TAFA1: variants seen among roughly 807,000 people sequenced by gnomAD.
The protein encoded by TAFA1 is chemokine-like protein TAFA-1.
TAFA1 carries 4 observed loss-of-function variants against 18.5 expected under a neutral mutation model. The observed-to-expected ratio is 0.22, with a 90% CI of 0.11 to 0.49. The LOEUF is 0.49. Ranked by LOEUF, TAFA1 falls within the 20% of genes least tolerant of loss-of-function variation. TAFA1 has a pLI of 0.98. For synonymous variants in TAFA1, 56 were observed against 55.2 expected, an observed-to-expected ratio of 1.01 and a Z score of -0.06; for missense variants, 147 against 169.0, an observed-to-expected ratio of 0.87 and a Z score of 0.72.
intron 2 of TAFA1, among the ~76,000 whole-genome samples, chr3:68,374,746 C>T (rs1334523210): frequency 6.6e-6 from 1 of 152,172 alleles, no homozygotes; most frequent in Non-Finnish European, 1.5e-5. Context: ...ACTTCCAGGT[C>T]TCCCTGCTGT....
chr3:68,176,193 G>T (rs990303538), intron 2 of TAFA1, among the ~76,000 whole-genome samples: 2 of 152,114 alleles, frequency 1.3e-5, no homozygotes, highest in Non-Finnish European at 2.9e-5. Context: ...TATAAATACA[G>T]TTTACAGGCA....
At chr3:68,283,401 T>A (rs1222504094) in intron 2 of TAFA1, among the ~76,000 whole-genome samples, 1 of 152,222 alleles carries the variant, frequency 6.6e-6, no homozygotes, top group Admixed American at 6.5e-5. Flanking sequence ...TATGGCCTAG[T>A]TTGAGGGCAA....
rs2066632546 is a variant in TAFA1 at position 68,214,572 on chromosome 3, T to A, written c.119-202708T>A. 2.6e-5 allele frequency among the ~76,000 whole-genome samples: 4 copies of A among 152,214 alleles called. No individual in the cohort carries two copies. In the South Asian group the frequency reaches 8.3e-4, roughly 32 times the overall value. On this transcript the variant is annotated intron_variant, in intron 2 of 4. Coordinates refer to ENST00000478136, the MANE Select transcript of TAFA1 (RefSeq NM_213609.4). Reference sequence around the variant, plus strand: ...AGAGTTCACACTCTCATGCCGTTTCTTTCTCACTGTGTGACTTTGAGCAAG... The same window carrying A: ...AGAGTTCACACTCTCATGCCGTTTCATTCTCACTGTGTGACTTTGAGCAAG...
chr3:68,034,335 GTC>G (rs1705001022), intron 2 of TAFA1, among the ~76,000 whole-genome samples: 1 of 152,138 alleles, frequency 6.6e-6, no homozygotes, highest in South Asian at 2.1e-4. Flanking sequence ...CACTACTCTA[GTC>G]TCCTTGTTTG....
At chr3:68,271,158 T>C (rs2067659560) in intron 2 of TAFA1, among the ~76,000 whole-genome samples, 1 of 152,112 alleles carries the variant, frequency 6.6e-6, no homozygotes, top group Admixed American at 6.6e-5. Context: ...CTCTTGGTGC[T>C]GCTTCCTCCT....
intron 2 of TAFA1, among the ~76,000 whole-genome samples, chr3:68,061,807 T>C (rs77870844): frequency 1.3e-5 from 2 of 152,170 alleles, no homozygotes; most frequent in African/African-American, 4.8e-5. Flanking sequence ...TGAGGTCATC[T>C]TTCTCCACAA....
intron 2 of TAFA1, among the ~76,000 whole-genome samples, chr3:68,086,166 G>A (rs2064967692): frequency 6.6e-6 from 1 of 152,208 alleles, no homozygotes; most frequent in Non-Finnish European, 1.5e-5. Flanking sequence ...GGTCTATGAG[G>A]TAAACCACCT....
intron 2 of TAFA1, among the ~76,000 whole-genome samples, chr3:68,110,344 A>G (rs775092622): frequency 6.6e-6 from 1 of 152,168 alleles, no homozygotes; most frequent in Non-Finnish European, 1.5e-5. Context: ...TCCATGATGT[A>G]TATGTACCAC....
intron 2 of TAFA1, among the ~76,000 whole-genome samples, chr3:68,221,521 C>A (rs2066730049): frequency 6.6e-6 from 1 of 152,092 alleles, no homozygotes; most frequent in Non-Finnish European, 1.5e-5. Flanking sequence ...ATGTCACAGA[C>A]AAAAAGTTAC....
intron 2 of TAFA1, among the ~76,000 whole-genome samples, chr3:68,272,739 A>G (rs2067700162): frequency 6.6e-6 from 1 of 152,182 alleles, no homozygotes; most frequent in Admixed American, 6.6e-5. Context: ...GTTTTCATAC[A>G]TTGTAAGGAC....
At chr3:68,199,772 A>T (rs749783912) in intron 2 of TAFA1, among the ~76,000 whole-genome samples, 3 of 151,504 alleles carry the variant, frequency 2.0e-5, no homozygotes, top group Non-Finnish European at 4.4e-5. Flanking sequence ...TGGATTTTCT[A>T]CATAATCATG....
chr3:68,262,625 C>A (rs115823445), intron 2 of TAFA1, among the ~76,000 whole-genome samples: 7 of 151,852 alleles, frequency 4.6e-5, no homozygotes, highest in Admixed American at 1.3e-4. Flanking sequence ...TTCTTTTTTA[C>A]GGCTGTGTAG....
chr3:68,135,056 A>G (rs1286341906), intron 2 of TAFA1, among the ~76,000 whole-genome samples: 1 of 152,206 alleles, frequency 6.6e-6, no homozygotes, highest in Non-Finnish European at 1.5e-5. Context: ...TTTTTCAGCC[A>G]TTAGTGGCTA....
chr3:68,398,428 A>G (rs1255842564), intron 2 of TAFA1, among the ~76,000 whole-genome samples: 1 of 152,226 alleles, frequency 6.6e-6, no homozygotes, highest in Non-Finnish European at 1.5e-5. Context: ...CTCAAGATAG[A>G]TTAAAGACTT....
At chr3:68,261,565 C>T (rs1000763070) in intron 2 of TAFA1, among the ~76,000 whole-genome samples, 1 of 151,900 alleles carries the variant, frequency 6.6e-6, no homozygotes, top group East Asian at 1.9e-4. Flanking sequence ...CACATATACA[C>T]CATGGAATAC....
At chr3:68,197,936 TA>T (rs1250419442) in intron 2 of TAFA1, among the ~76,000 whole-genome samples, 6 of 151,750 alleles carry the variant, frequency 4.0e-5, no homozygotes, top group Non-Finnish European at 5.9e-5. Flanking sequence ...TGCTAGAATG[TA>T]AGTTCTGTAG....
intron 2 of TAFA1, among the ~76,000 whole-genome samples, chr3:68,357,212 C>A (rs2069381897): frequency 6.6e-6 from 1 of 151,934 alleles, no homozygotes; most frequent in Non-Finnish European, 1.5e-5. Context: ...AGAAGTAAAT[C>A]TTCTCAGAAA....
intron 2 of TAFA1, among the ~76,000 whole-genome samples, chr3:68,037,917 G>A (rs114164334): frequency 0.018 from 2,731 of 152,214 alleles, 40 homozygotes; most frequent in Non-Finnish European, 0.025. Context: ...AATTGTGTGC[G>A]TGCTCTCTCT....
intron 2 of TAFA1, among the ~76,000 whole-genome samples, chr3:68,345,819 A>T (rs2069155338): frequency 6.6e-6 from 1 of 152,170 alleles, no homozygotes; most frequent in Non-Finnish European, 1.5e-5. Flanking sequence ...ATTTTTTGAG[A>T]TGGGGATAGG....
Sources: gnomAD v4.1 joint callset for allele counts (sites outside exome capture counted in the v4.1 genomes callset) on GRCh38, gnomAD v4.1.1 for gene constraint, MANE v1.5 for transcripts, NCBI Gene and HGNC (gene_info 2026-07-23, HGNC 2026-07-21) for gene names.